GPHN: variants seen among roughly 807,000 people sequenced by gnomAD.
The protein encoded by GPHN is gephyrin.
A neutral mutation model predicts 95.5 loss-of-function variants in GPHN; 17 were observed. The ratio of observed to expected loss-of-function variants is 0.18; its 90% CI spans 0.12 to 0.27. The LOEUF (loss-of-function observed/expected upper bound fraction) is 0.27, where lower values mean the gene tolerates loss of function less well. Among genes scored for constraint, GPHN ranks in the 10% least tolerant of loss-of-function variants. The pLI, the probability that GPHN is intolerant of heterozygous loss-of-function variation, is 1.00. For synonymous variants in GPHN, 320 were observed against 322.5 expected, an observed-to-expected ratio of 0.99 and a Z score of 0.08; for missense variants, 660 against 978.1, an observed-to-expected ratio of 0.67 and a Z score of 4.34.
At chr14:67,103,676 G>T (rs570592580) in intron 13 of GPHN, among the ~76,000 whole-genome samples, 1 of 150,892 alleles carries the variant, frequency 6.6e-6, no homozygotes, top group East Asian at 2.0e-4. Context: ...TTCTCTGCTA[G>T]TTTGTTCTTG....
chr14:66,612,565 T>C (rs1431875240), intron 1 of GPHN, among the ~76,000 whole-genome samples: 1 of 152,108 alleles, frequency 6.6e-6, no homozygotes, highest in Non-Finnish European at 1.5e-5. Flanking sequence ...CACTCAGTCA[T>C]TGGTAATTCT....
chr14:67,714,912 A>G, the GPHN span: 870 of 152,490 alleles, frequency 5.7e-3, 1 homozygote, highest in Non-Finnish European at 9.4e-3. Flanking sequence ...AATGCCCCAC[A>G]CATGTTACCA....
chr14:66,573,497 G>A (rs1317485903), intron 1 of GPHN, among the ~76,000 whole-genome samples: 1 of 148,828 alleles, frequency 6.7e-6, no homozygotes, highest in Non-Finnish European at 1.5e-5. Context: ...CTGTTGCCCA[G>A]GCTGGAGCAC....
intron 17 of GPHN, among the ~76,000 whole-genome samples, chr14:67,132,117 T>C (rs1783197327): frequency 6.6e-6 from 1 of 152,194 alleles, no homozygotes; most frequent in South Asian, 2.1e-4. Flanking sequence ...TACCTCTTTA[T>C]ATTAAAGCAA....
At chr14:67,329,989 T>C in the GPHN span, among the ~76,000 whole-genome samples, 3 of 151,296 alleles carry the variant, frequency 2.0e-5, no homozygotes, top group East Asian at 5.8e-4. Context: ...GAAAGAATGG[T>C]ATTGGCATAA....
intron 2 of GPHN, among the ~76,000 whole-genome samples, chr14:66,749,210 A>G (rs2058276888): frequency 6.6e-6 from 1 of 151,982 alleles, no homozygotes; most frequent in South Asian, 2.1e-4. Context: ...ACCATTGAGC[A>G]AAAAGAAATG....
rs1173487024 is a variant in GPHN, at chr14:67,132,333, C to T, written c.1748+9956C>T. ...AAAGTAGGAGTTTTCTAATCATCAACGATAATTTAGATCTGAATTTAATTG... is the reference window on the plus strand; with the variant it reads ...AAAGTAGGAGTTTTCTAATCATCAATGATAATTTAGATCTGAATTTAATTG... On this transcript the variant is annotated intron_variant, in intron 17 of 22. Transcript: ENST00000478722. Among the ~76,000 whole-genome samples the T allele has an allele frequency of 2.6e-5, 4 of 152,272 alleles. No individual in the cohort carries two copies. In the East Asian group the frequency reaches 5.8e-4, roughly 22 times the overall value.
At chr14:67,389,425 C>A in the GPHN span, among the ~76,000 whole-genome samples, 1 of 152,102 alleles carries the variant, frequency 6.6e-6, no homozygotes, top group African/African-American at 2.4e-5. Flanking sequence ...AAGTGCGGAA[C>A]AAATTAATTG....
chr14:67,532,529 C>T, the GPHN span, among the ~76,000 whole-genome samples: 1 of 152,128 alleles, frequency 6.6e-6, no homozygotes, highest in African/African-American at 2.4e-5. Context: ...CACATGGGCA[C>T]GCTGATGACT....
At chr14:67,320,750 A>G in the GPHN span, among the ~76,000 whole-genome samples, 1 of 152,194 alleles carries the variant, frequency 6.6e-6, no homozygotes, top group African/African-American at 2.4e-5. Flanking sequence ...ACCTAATCTT[A>G]TGGAGATAAA....
chr14:67,692,276 T>TAAA, the GPHN span: 1 of 711,500 alleles, frequency 1.4e-6, no homozygotes, highest in East Asian at 2.7e-5. Context: ...AAGATATCCC[T>TAAA]TTGACATAAA....
chr14:67,332,928 A>C, the GPHN span: 1 of 1,612,620 alleles, frequency 6.2e-7, no homozygotes. Context: ...ACTGAACCTC[A>C]GTGGGTACCA....
the GPHN span, chr14:67,294,648 CACAA>C: frequency 1.3e-5 from 2 of 151,650 alleles, no homozygotes; most frequent in African/African-American, 2.4e-5. Flanking sequence ...TACTAATAAA[CACAA>C]ACCAAATTTC....
intron 1 of GPHN, among the ~76,000 whole-genome samples, chr14:66,524,438 T>A (rs1254580652): frequency 6.6e-6 from 1 of 152,114 alleles, no homozygotes; most frequent in East Asian, 1.9e-4. Flanking sequence ...TCTATCAAAT[T>A]TAGAGCATTG....
At position 66,508,161 on chromosome 14, in the gene GPHN, C is replaced by T. The variant is rs1324247005; in HGVS notation, c.-367C>T. On this transcript the variant is annotated 5_prime_UTR_variant, in exon 1 of 23. Transcript: ENST00000478722. ...GCGTGTGCTATCCTTTCCTCTCAGT[C>T]CTGCCATCTAGCTGCCTTGGGTCTC... The T allele has an allele frequency of 2.7e-4, 125 of 465,030 alleles. 1 individual carries two copies. In the East Asian group the frequency reaches 5.0e-3, roughly 18 times the overall value. 28.8% of individuals were successfully genotyped at this position (465,030 alleles called of 1,614,324 possible).
At chr14:67,422,166 A>C in the GPHN span, among the ~76,000 whole-genome samples, 2 of 152,028 alleles carry the variant, frequency 1.3e-5, no homozygotes, top group African/African-American at 4.8e-5. Flanking sequence ...TCCTCATCTT[A>C]ATCATCCCAG....
the GPHN span, among the ~76,000 whole-genome samples, chr14:67,506,655 A>C: frequency 1.3e-5 from 2 of 152,152 alleles, no homozygotes; most frequent in Non-Finnish European, 2.9e-5. Flanking sequence ...TGAAATGAAA[A>C]TAGAAGGAAT....
chr14:67,262,880 T>C, the GPHN span, among the ~76,000 whole-genome samples: 1 of 152,182 alleles, frequency 6.6e-6, no homozygotes, highest in Non-Finnish European at 1.5e-5. Flanking sequence ...ATATTGCAGG[T>C]AATTTTAAAC....
At chr14:67,572,096 G>T in the GPHN span, 1 of 1,586,136 alleles carries the variant, frequency 6.3e-7, no homozygotes, top group East Asian at 2.3e-5. Flanking sequence ...AGTCGGGGAG[G>T]TGTGGGACCC....
Sources: allele counts gnomAD v4.1 joint callset (sites outside exome capture counted in the v4.1 genomes callset), GRCh38; gene constraint gnomAD v4.1.1; transcripts MANE v1.5; gene names NCBI Gene and HGNC (gene_info 2026-07-23, HGNC 2026-07-21).